The following MSI2 variants were observed in gnomAD, a reference collection of about 807,000 sequenced individuals.
MSI2 encodes musashi RNA binding protein 2.
Under a neutral mutation model 45.6 loss-of-function variants are expected in MSI2, and 17 were observed. The ratio of observed to expected loss-of-function variants is 0.37; its 90% CI spans 0.26 to 0.56. The LOEUF (loss-of-function observed/expected upper bound fraction) is 0.56. Among genes scored for constraint, MSI2 ranks in the 20% least tolerant of loss-of-function variants. The probability of loss-of-function intolerance (pLI) is 0.77; values close to 1 mark genes in which losing one functional copy is unlikely to be tolerated. For synonymous variants in MSI2, 156 were observed against 158.2 expected (o/e 0.99, Z 0.11); for missense variants, 293 against 444.2 (o/e 0.66, Z 3.06).
the MSI2 span, among the ~76,000 whole-genome samples, chr17:57,696,340 A>G: frequency 1.3e-5 from 2 of 152,358 alleles, no homozygotes; most frequent in East Asian, 1.9e-4. Context: ...AAGACAGACC[A>G]TGGAACCAGA....
intron 7 of MSI2, among the ~76,000 whole-genome samples, chr17:57,583,420 C>T (rs533670291): frequency 6.6e-6 from 1 of 151,492 alleles, no homozygotes; most frequent in Admixed American, 6.6e-5. Flanking sequence ...GTTAGTGAAG[C>T]TGGAATTATT....
chr17:57,539,695 T>C (rs1214254138), intron 7 of MSI2, among the ~76,000 whole-genome samples: 1 of 129,954 alleles, frequency 7.7e-6, no homozygotes, highest in Non-Finnish European at 1.7e-5. Context: ...GTTTCTGCTC[T>C]TCCCAGACAA....
At chr17:57,334,334 G>C (rs1209534766) in intron 5 of MSI2, among the ~76,000 whole-genome samples, 2 of 152,170 alleles carry the variant, frequency 1.3e-5, no homozygotes, top group Non-Finnish European at 2.9e-5. Context: ...TGCCATCTGG[G>C]TAGGTGGTGA....
intron 5 of MSI2, among the ~76,000 whole-genome samples, chr17:57,369,450 A>G (rs1022307846): frequency 6.6e-6 from 1 of 152,206 alleles, no homozygotes; most frequent in East Asian, 1.9e-4. Context: ...AGCAGGTTGG[A>G]CAGACCTTAC....
At chr17:57,591,721 C>A (rs1904848133) in intron 7 of MSI2, among the ~76,000 whole-genome samples, 1 of 147,526 alleles carries the variant, frequency 6.8e-6, no homozygotes, top group Non-Finnish European at 1.5e-5. Context: ...GGGACTGAAA[C>A]CCTGTCTCAA....
chr17:57,285,987 T>C (rs1909839117), intron 5 of MSI2: 1 of 1,533,616 alleles, frequency 6.5e-7, no homozygotes. Flanking sequence ...GACCAATCTG[T>C]TTTATATTCC....
chr17:57,441,335 C>T (rs986797643), intron 6 of MSI2, among the ~76,000 whole-genome samples: 21 of 152,198 alleles, frequency 1.4e-4, no homozygotes, highest in Admixed American at 8.5e-4. Flanking sequence ...GTCCACCCCT[C>T]TTGCCTCTCC....
rs1368847734 is a variant in MSI2, at chr17:57,504,794, G to A, written c.406-24882G>A. Among the ~76,000 whole-genome samples, 5 of 152,092 alleles carry A rather than the reference G, an allele frequency of 3.3e-5. No homozygotes were observed. In the East Asian group the frequency reaches 9.6e-4, roughly 29 times the overall value. On this transcript the variant is annotated intron_variant, in intron 6 of 13. Coordinates refer to ENST00000284073, the MANE Select transcript of MSI2 (RefSeq NM_138962.4). ...AAAAATACGAAAAATTAGCCGGGCA[G>A]GTGGCAGGCGCCTGGAATCCCAGCT...
At chr17:57,633,311 G>C in intron 10 of MSI2, 1 of 436,304 alleles carries the variant, frequency 2.3e-6, no homozygotes, top group Non-Finnish European at 3.1e-6. Context: ...ACTCCCCCTG[G>C]CTGCCGCCTG....
At chr17:57,618,545 C>G (rs1158696736) in intron 9 of MSI2, among the ~76,000 whole-genome samples, 1 of 152,140 alleles carries the variant, frequency 6.6e-6, no homozygotes, top group African/African-American at 2.4e-5. Context: ...CCCTGTCTCT[C>G]TCTTTCTTTT....
intron 6 of MSI2, among the ~76,000 whole-genome samples, chr17:57,511,001 T>C (rs1344226779): frequency 6.6e-6 from 1 of 152,098 alleles, no homozygotes; most frequent in Non-Finnish European, 1.5e-5. Context: ...CTTCTGTCCC[T>C]GGAATCCCAG....
At chr17:57,342,371 C>T (rs1482045763) in intron 5 of MSI2, among the ~76,000 whole-genome samples, 1 of 152,172 alleles carries the variant, frequency 6.6e-6, no homozygotes, top group Non-Finnish European at 1.5e-5. Flanking sequence ...TGGTCTTTCT[C>T]CAAATCTTCA....
intron 5 of MSI2, among the ~76,000 whole-genome samples, chr17:57,317,445 G>A (rs1463411648): frequency 6.6e-6 from 1 of 150,508 alleles, no homozygotes; most frequent in African/African-American, 2.4e-5. Flanking sequence ...ATTAGCATTA[G>A]CATTATTAGC....
intron 5 of MSI2, among the ~76,000 whole-genome samples, chr17:57,355,633 A>G (rs1461912963): frequency 6.6e-6 from 1 of 152,204 alleles, no homozygotes; most frequent in Non-Finnish European, 1.5e-5. Flanking sequence ...TCATGACCAC[A>G]TGATTCTTTT....
intron 6 of MSI2, among the ~76,000 whole-genome samples, chr17:57,424,102 T>C (rs1340239365): frequency 6.6e-6 from 1 of 152,200 alleles, no homozygotes; most frequent in Non-Finnish European, 1.5e-5. Flanking sequence ...CAGAGATCCT[T>C]TGGGGCAGCA....
In MSI2 at chr17:57,652,759, C is replaced by G. The variant is rs924438307; in HGVS notation, c.790+598C>G. ...TGCCAAGGGAATTGGGCTTTCTGTC[C>G]CATGAGGTTGCTCCAGTCCTTCTGT... On this transcript the variant is annotated intron_variant, in intron 11 of 13. Coordinates refer to ENST00000284073, the MANE Select transcript of MSI2 (RefSeq NM_138962.4). This position sits in a 1 kb window ranked among gnomAD's most constrained non-coding sequence, Gnocchi z 4.1. Among the ~76,000 whole-genome samples the G allele has an allele frequency of 3.9e-5, 6 of 152,252 alleles. No individual in the cohort carries two copies. Among genetic ancestry groups the G allele is most frequent in the Non-Finnish European group, 8.8e-5 (6 of 68,044 alleles).
Position 57,552,562 on chromosome 17 carries a change from T to A in MSI2, c.454+22838T>A, listed in dbSNP as rs1261389435. 2.0e-5 allele frequency among the ~76,000 whole-genome samples: 3 copies of A among 152,196 alleles called. No individual in the cohort carries two copies. The highest frequency in any genetic ancestry group is 4.4e-5 in the Non-Finnish European group (3 of 68,040). On this transcript the variant is annotated intron_variant, in intron 7 of 13. Transcript: ENST00000284073. This position sits in a 1 kb window ranked among gnomAD's most constrained non-coding sequence, Gnocchi z 4.3. Reference sequence around the variant, plus strand: ...TTTCTTGATCTCTGAGTGTCTTTTTTAATCCCTATTGCCCAGCAACGGCTT... The same window carrying A: ...TTTCTTGATCTCTGAGTGTCTTTTTAAATCCCTATTGCCCAGCAACGGCTT...
At chr17:57,458,844 G>A (rs1372248438) in intron 6 of MSI2, among the ~76,000 whole-genome samples, 6 of 152,218 alleles carry the variant, frequency 3.9e-5, no homozygotes, top group Admixed American at 2.0e-4. Context: ...GCAGGCCGTG[G>A]GAGGATAATT....
chr17:57,353,229 T>C (rs972777581), intron 5 of MSI2, among the ~76,000 whole-genome samples: 11 of 152,190 alleles, frequency 7.2e-5, no homozygotes, highest in Non-Finnish European at 1.6e-4. Context: ...CCCCAGACCA[T>C]TATCGGAGTT....
Sources: allele counts gnomAD v4.1 joint callset (sites outside exome capture counted in the v4.1 genomes callset), GRCh38; gene constraint gnomAD v4.1.1; non-coding constraint Gnocchi (gnomAD v3.1); transcripts MANE v1.5; gene names NCBI Gene and HGNC (gene_info 2026-07-23, HGNC 2026-07-21).